MGAT4C: variants seen among roughly 807,000 people sequenced by gnomAD.
MGAT4C encodes alpha-1,3-mannosyl-glycoprotein 4-beta-N-acetylglucosaminyltransferase C.
MGAT4C carries 19 observed loss-of-function variants against 40.1 expected under a neutral mutation model. The ratio of observed to expected loss-of-function variants is 0.47; its 90% CI spans 0.33 to 0.70. MGAT4C has a LOEUF of 0.70. Ranked by LOEUF, MGAT4C falls within the 30% of genes least tolerant of loss-of-function variation. MGAT4C has a pLI of 0.02. For missense variants in MGAT4C, 491 were observed against 563.2 expected (o/e 0.87, Z 1.30); for synonymous variants, 181 against 187.1 (o/e 0.97, Z 0.27).
intron 2 of MGAT4C, among the ~76,000 whole-genome samples, chr12:86,044,024 T>C (rs1892147983): frequency 6.6e-6 from 1 of 152,210 alleles, no homozygotes. Flanking sequence ...ATCTTAGAAG[T>C]TGCTATCCTT....
Position 86,370,724 on chromosome 12 carries a change from CT to C in MGAT4C, c.-119-36598del, listed in dbSNP as rs1169856238. 6.6e-5 allele frequency among the ~76,000 whole-genome samples: 10 copies of C among 152,144 alleles called. No individual in the cohort carries two copies. In the East Asian group the frequency reaches 1.4e-3, roughly 21 times the overall value. ...CTGAGTAACTTGTTTTCCTATTTGC[CT>C]TTTTTTCTTCCCCTATTTAATCCCC... On this transcript the variant is annotated intron_variant, in intron 3 of 7. Coordinates refer to the MGAT4C transcript ENST00000548651.
chr12:86,045,240 A>G (rs1565903640), intron 2 of MGAT4C, among the ~76,000 whole-genome samples: 1 of 152,190 alleles, frequency 6.6e-6, no homozygotes. Flanking sequence ...TAAAATAAAA[A>G]TATAGAGTAA....
At chr12:86,102,266 C>T (rs839095) in intron 1 of MGAT4C, among the ~76,000 whole-genome samples, 86,893 of 151,490 alleles carry the variant, frequency 0.57, 25,219 homozygotes, top group South Asian at 0.72. Flanking sequence ...TTCTTTAAAG[C>T]TGAAGATAAA....
Position 85,968,796 on chromosome 12 carries a change from C to T in MGAT4C, c.*10493G>A, listed in dbSNP as rs1367098085. On this transcript the variant is annotated 3_prime_UTR_variant, in exon 5 of 5. Transcript: ENST00000611864. The stretch of plus-strand genomic sequence containing the variant: ...GAGCTCAGGAATGGGTGAAATTCTT[C>T]CCCAGAGATGTTAATGAACAGCCAG... 1 of 151,760 alleles carries T rather than the reference C, an allele frequency of 6.6e-6. No homozygotes were observed. Among genetic ancestry groups the T allele is most frequent in the African/African-American group, 2.4e-5 (1 of 41,374 alleles). The allele number at this position is 151,760 out of a possible 1,614,324, so 9.4% of individuals were successfully genotyped here. A position where few individuals can be genotyped will look rare whatever the true frequency, so the allele number is the denominator to read the frequency against.
chr12:86,435,755 C>T (rs1863495253), intron 2 of MGAT4C, among the ~76,000 whole-genome samples: 1 of 151,948 alleles, frequency 6.6e-6, no homozygotes, highest in Middle Eastern at 3.4e-3. Context: ...GAGTCTGAGA[C>T]CAGCTCTGCT....
At chr12:86,099,993 AACT>A (rs1486129434) in intron 1 of MGAT4C, among the ~76,000 whole-genome samples, 3 of 151,368 alleles carry the variant, frequency 2.0e-5, no homozygotes, top group Non-Finnish European at 4.4e-5. Context: ...TACATTATGA[AACT>A]ACATTATAAG....
chr12:86,481,160 T>C (rs1420473921), intron 2 of MGAT4C, among the ~76,000 whole-genome samples: 2 of 152,058 alleles, frequency 1.3e-5, no homozygotes, highest in African/African-American at 4.8e-5. Context: ...CTATAAATTC[T>C]AATGTTTTGT....
intron 1 of MGAT4C, among the ~76,000 whole-genome samples, chr12:86,190,742 C>T (rs971263631): frequency 6.6e-6 from 1 of 152,010 alleles, no homozygotes; most frequent in African/African-American, 2.4e-5. Context: ...TTTTTGGTCA[C>T]ACACTAGATG....
intron 2 of MGAT4C, among the ~76,000 whole-genome samples, chr12:86,501,045 A>G (rs1417441403): frequency 2.6e-5 from 4 of 152,102 alleles, no homozygotes; most frequent in Non-Finnish European, 5.9e-5. Context: ...TGGAACAGGC[A>G]TATACATTCT....
At chr12:86,736,881 A>G (rs947619956) in intron 1 of MGAT4C, among the ~76,000 whole-genome samples, 3 of 151,540 alleles carry the variant, frequency 2.0e-5, no homozygotes. Context: ...CAGTCCTTCT[A>G]TTGTGTACAT....
At chr12:86,486,969 G>A (rs1163064152) in intron 2 of MGAT4C, among the ~76,000 whole-genome samples, 1 of 152,148 alleles carries the variant, frequency 6.6e-6, no homozygotes, top group Admixed American at 6.6e-5. Context: ...GCTTAAAATG[G>A]ATATACCAAT....
chr12:86,143,627 A>C (rs1883150249), intron 1 of MGAT4C, among the ~76,000 whole-genome samples: 1 of 152,148 alleles, frequency 6.6e-6, no homozygotes, highest in Admixed American at 6.5e-5. Flanking sequence ...TGCTGTTATG[A>C]GATTTTTATT....
At chr12:86,154,962 G>A (rs1340060576) in intron 1 of MGAT4C, among the ~76,000 whole-genome samples, 1 of 152,140 alleles carries the variant, frequency 6.6e-6, no homozygotes, top group African/African-American at 2.4e-5. Flanking sequence ...ATAAATGTGT[G>A]TGTTCTGAAG....
chr12:85,999,941 T>G (rs531331942), intron 2 of MGAT4C, among the ~76,000 whole-genome samples: 2 of 152,244 alleles, frequency 1.3e-5, no homozygotes, highest in African/African-American at 4.8e-5. Context: ...TTGCAGTCTA[T>G]TACACATTAG....
intron 1 of MGAT4C, among the ~76,000 whole-genome samples, chr12:86,837,342 G>A (rs1953058006): frequency 6.6e-6 from 1 of 152,078 alleles, no homozygotes; most frequent in Non-Finnish European, 1.5e-5. Flanking sequence ...CAATCCCTGT[G>A]AGGAAAAGAG....
At chr12:86,369,645 A>C (rs1955679163) in intron 3 of MGAT4C, among the ~76,000 whole-genome samples, 1 of 151,992 alleles carries the variant, frequency 6.6e-6, no homozygotes, top group Non-Finnish European at 1.5e-5. Flanking sequence ...TGAGGTCAGA[A>C]TTTATTTTTT....
chr12:86,816,588 T>C (rs1433673703), intron 1 of MGAT4C, among the ~76,000 whole-genome samples: 1 of 151,684 alleles, frequency 6.6e-6, no homozygotes, highest in Non-Finnish European at 1.5e-5. Flanking sequence ...TTTAATACAT[T>C]CTGGTTAAAA....
At chr12:86,386,625 C>A (rs1416354328) in intron 3 of MGAT4C, among the ~76,000 whole-genome samples, 2 of 152,066 alleles carry the variant, frequency 1.3e-5, no homozygotes, top group Admixed American at 1.3e-4. Flanking sequence ...CTGCCTATTT[C>A]AATGCTTGTT....
At chr12:86,514,113 C>A (rs1241647339) in intron 2 of MGAT4C, among the ~76,000 whole-genome samples, 1 of 149,986 alleles carries the variant, frequency 6.7e-6, no homozygotes, top group African/African-American at 2.5e-5. Flanking sequence ...CACACACAAC[C>A]CCGGCTTAGT....
Sources: gnomAD v4.1 joint callset for allele counts (sites outside exome capture counted in the v4.1 genomes callset) on GRCh38, gnomAD v4.1.1 for gene constraint, MANE v1.5 for transcripts, NCBI Gene and HGNC (gene_info 2026-07-23, HGNC 2026-07-21) for gene names.